The following FNBP1 variants were observed in gnomAD, a reference collection of about 807,000 sequenced individuals.
FNBP1 encodes formin binding protein 1.
Under a neutral mutation model 90.6 loss-of-function variants are expected in FNBP1, and 26 were observed. The ratio of observed to expected loss-of-function variants is 0.29; its 90% CI spans 0.21 to 0.40. The LOEUF is 0.40. Ranked by LOEUF, FNBP1 falls within the 10% of genes least tolerant of loss-of-function variation. FNBP1 has a pLI of 1.00. For synonymous variants in FNBP1, 260 were observed against 265.2 expected (o/e 0.98, Z 0.19); for missense variants, 635 against 768.0 (o/e 0.83, Z 2.05).
intron 1 of FNBP1, among the ~76,000 whole-genome samples, chr9:129,995,656 A>T (rs1006039501): frequency 6.6e-6 from 1 of 152,190 alleles, no homozygotes; most frequent in Non-Finnish European, 1.5e-5. Context: ...TGGGTATAAG[A>T]GCATGACTCT....
At chr9:129,987,955 A>G (rs2052554420) in intron 2 of FNBP1, among the ~76,000 whole-genome samples, 1 of 152,108 alleles carries the variant, frequency 6.6e-6, no homozygotes, top group African/African-American at 2.4e-5. Flanking sequence ...TCTATATACA[A>G]TGAGCTCCAA....
intron 12 of FNBP1, among the ~76,000 whole-genome samples, chr9:129,906,940 C>A (rs534829783): frequency 1.7e-4 from 26 of 152,226 alleles, no homozygotes; most frequent in Non-Finnish European, 2.6e-4. Flanking sequence ...CCACCACTCC[C>A]AGCTAATTTT....
chr9:129,896,021 T>C, intron 15 of FNBP1, 25 bp from the exon 16 acceptor site: 1 of 1,578,080 alleles, frequency 6.3e-7, no homozygotes, highest in Admixed American at 1.9e-5. Context: ...TCAGGATATG[T>C]TAGATGTCTT....
At chr9:129,920,274 GT>G (rs1322215996) in intron 10 of FNBP1, among the ~76,000 whole-genome samples, 1 of 152,014 alleles carries the variant, frequency 6.6e-6, no homozygotes, top group Non-Finnish European at 1.5e-5. Context: ...AAAAGAACCA[GT>G]TTCCGATTCC....
At chr9:129,970,829 A>G (rs901388533) in intron 4 of FNBP1, among the ~76,000 whole-genome samples, 1 of 152,220 alleles carries the variant, frequency 6.6e-6, no homozygotes, top group African/African-American at 2.4e-5. Context: ...GGAAGAACCT[A>G]AACTGCTAAG....
rs1468071779 is a variant in FNBP1 at position 129,965,792 on chromosome 9, GGGAGGGGGGAA to G, written c.346-7250_346-7240del. 6.9e-3 allele frequency among the ~76,000 whole-genome samples: 916 copies of G among 133,498 alleles called. 7 individuals are homozygous for G. Among genetic ancestry groups the G allele is most frequent in the East Asian group, 0.01 (47 of 4,518 alleles). The allele number at this position is 133,498 out of a possible 152,430, so 87.6% of individuals were successfully genotyped here. On this transcript the variant is annotated intron_variant, in intron 4 of 16. Coordinates refer to ENST00000446176, the MANE Select transcript of FNBP1 (RefSeq NM_015033.3). ...GGGAGGGAAGGGAGGGAAGGAGGGA[GGGAGGGGGGAA>G]GGAGGGAGGGAGGGAGGAAGGAAGG...
chr9:129,948,274 CAACA>C (rs571322621), intron 6 of FNBP1, among the ~76,000 whole-genome samples: 1 of 150,266 alleles, frequency 6.7e-6, no homozygotes, highest in African/African-American at 2.4e-5. Context: ...GACCCTGTCT[CAACA>C]AACAAACAAA....
upstream of FNBP1, chr9:130,043,207 C>A (rs1589461109): frequency 2.8e-6 from 1 of 357,478 alleles, no homozygotes; most frequent in Non-Finnish European, 5.0e-6. Context: ...GCAGCGCCCG[C>A]CCGCCCTACA....
At chr9:129,895,316 T>C in intron 16 of FNBP1, 1 of 1,062,296 alleles carries the variant, frequency 9.4e-7, no homozygotes, top group Non-Finnish European at 1.1e-6. Flanking sequence ...GGAGATGTTA[T>C]TTCACTTGTG....
At chr9:129,969,550 T>G (rs2049112492) in intron 4 of FNBP1, among the ~76,000 whole-genome samples, 1 of 152,138 alleles carries the variant, frequency 6.6e-6, no homozygotes, top group South Asian at 2.1e-4. Context: ...GCTACTAAAA[T>G]TCCAAATATT....
rs2059908592 is a variant in FNBP1, at chr9:130,042,422, C to G, written c.24+530G>C. Among the ~76,000 whole-genome samples, 2 of 152,104 alleles carry G rather than the reference C, an allele frequency of 1.3e-5. No homozygotes were observed. Among genetic ancestry groups the G allele is most frequent in the South Asian group, 4.1e-4 (2 of 4,834 alleles). ...AAGTCCTCGCCTCCAGAGCGAAGAC[C>G]GCACTCTCGCCCCAGCACCCCAAAA... is the stretch of plus-strand genomic sequence containing the variant. On this transcript the variant is annotated intron_variant, in intron 1 of 16. Coordinates refer to ENST00000446176, the MANE Select transcript of FNBP1 (RefSeq NM_015033.3). The surrounding 1 kb of genome is among the most constrained non-coding windows in gnomAD (Gnocchi z 5.5).
At position 129,892,366 on chromosome 9, in the gene FNBP1, GACACACACACACAC is replaced by G. The variant is rs3138855; in HGVS notation, c.1847-1834_1847-1821del. Among the ~76,000 whole-genome samples, 178 of 103,446 alleles carry G rather than the reference GACACACACACACAC, an allele frequency of 1.7e-3. 1 individual carries two copies. Among genetic ancestry groups the G allele is most frequent in the East Asian group, 8.0e-3 (22 of 2,744 alleles). The allele number at this position is 103,446 out of a possible 152,430, so 67.9% of individuals were successfully genotyped here. On this transcript the variant is annotated intron_variant, in intron 16 of 16. Transcript: ENST00000446176. ...GCAATTATTAAATAAGCACATCGTA[GACACACACACACAC>G]ACACACACACACACACACACACACA...
chr9:129,993,926 G>A (rs576085640), intron 2 of FNBP1, among the ~76,000 whole-genome samples: 1 of 152,120 alleles, frequency 6.6e-6, no homozygotes, highest in East Asian at 1.9e-4. Context: ...CGCCCGGCCC[G>A]AAGTACTTTT....
At chr9:130,035,053 G>A (rs1045474305) in intron 1 of FNBP1, among the ~76,000 whole-genome samples, 4 of 152,206 alleles carry the variant, frequency 2.6e-5, no homozygotes, top group African/African-American at 9.6e-5. Context: ...GGAGGCTGAG[G>A]CAGGAGAATC....
At chr9:129,961,992 C>T (rs1277804574) in intron 4 of FNBP1, among the ~76,000 whole-genome samples, 1 of 152,206 alleles carries the variant, frequency 6.6e-6, no homozygotes, top group Non-Finnish European at 1.5e-5. Context: ...CAGAGACTGA[C>T]ATGCAGGGAT....
chr9:130,019,009 G>A (rs2057539710), intron 1 of FNBP1, among the ~76,000 whole-genome samples: 1 of 152,148 alleles, frequency 6.6e-6, no homozygotes, highest in African/African-American at 2.4e-5. Flanking sequence ...TGGATCGCCT[G>A]AGCTCATAAG....
intron 1 of FNBP1, among the ~76,000 whole-genome samples, chr9:130,005,808 C>T (rs1176333743): frequency 1.3e-5 from 2 of 152,112 alleles, no homozygotes; most frequent in African/African-American, 4.8e-5. Flanking sequence ...TGTTTTTCTT[C>T]CAAACACTAT....
At chr9:129,907,336 T>A (rs1249480178) in intron 12 of FNBP1, among the ~76,000 whole-genome samples, 1 of 152,198 alleles carries the variant, frequency 6.6e-6, no homozygotes, top group African/African-American at 2.4e-5. Context: ...ACATATTGAT[T>A]CATTTTATTT....
At chr9:129,916,446 T>C (rs1350762086) in intron 10 of FNBP1, among the ~76,000 whole-genome samples, 1 of 151,940 alleles carries the variant, frequency 6.6e-6, no homozygotes, top group Non-Finnish European at 1.5e-5. Context: ...GGAGAAACCC[T>C]GTCTCTACTA....
Sources: gnomAD v4.1 joint callset for allele counts (sites outside exome capture counted in the v4.1 genomes callset) on GRCh38, gnomAD v4.1.1 for gene constraint, Gnocchi (gnomAD v3.1) non-coding constraint, MANE v1.5 for transcripts, NCBI Gene and HGNC (gene_info 2026-07-23, HGNC 2026-07-21) for gene names.